MDFIC: variants seen among roughly 807,000 people sequenced by gnomAD.
MDFIC encodes the protein myoD family inhibitor domain-containing protein.
A neutral mutation model predicts 23.2 loss-of-function variants in MDFIC; 17 were observed. That is an observed-to-expected ratio of 0.73 (90% CI 0.50 to 1.10). The LOEUF is 1.10. Ranked by LOEUF, MDFIC falls within the 50% of genes least tolerant of loss-of-function variation. The probability of loss-of-function intolerance (pLI) is 0.00; values close to 1 mark genes in which losing one functional copy is unlikely to be tolerated. For missense variants in MDFIC, 356 were observed against 316.6 expected (o/e 1.12, Z -0.95); for synonymous variants, 120 against 115.2 (o/e 1.04, Z -0.27).
chr7:114,987,256 T>A (rs1248188756), intron 4 of MDFIC, among the ~76,000 whole-genome samples: 1 of 152,180 alleles, frequency 6.6e-6, no homozygotes, highest in East Asian at 1.9e-4. Context: ...TTGAGTTGTT[T>A]GCTGTTACAA....
At chr7:114,986,393 A>G (rs1264811264) in intron 4 of MDFIC, among the ~76,000 whole-genome samples, 3 of 152,136 alleles carry the variant, frequency 2.0e-5, no homozygotes, top group Non-Finnish European at 2.9e-5. Context: ...CAATCTGGGT[A>G]GGGCACACAG....
chr7:115,006,378 A>G (rs1292450050), intron 4 of MDFIC, among the ~76,000 whole-genome samples: 1 of 152,172 alleles, frequency 6.6e-6, no homozygotes, highest in Non-Finnish European at 1.5e-5. Flanking sequence ...AACCCTGTGC[A>G]TCTCTGCAGT....
chr7:114,966,432 C>T (rs1374983771), intron 3 of MDFIC, among the ~76,000 whole-genome samples: 1 of 148,484 alleles, frequency 6.7e-6, no homozygotes, highest in African/African-American at 2.5e-5. Context: ...GGAAAAAACA[C>T]CACCAAACTG....
intron 4 of MDFIC, among the ~76,000 whole-genome samples, chr7:114,980,547 C>T (rs1352986846): frequency 6.6e-6 from 1 of 152,204 alleles, no homozygotes; most frequent in Non-Finnish European, 1.5e-5. Flanking sequence ...ACTCCCTTTA[C>T]ATGATTCATT....
intron 2 of MDFIC, among the ~76,000 whole-genome samples, chr7:114,936,432 A>G (rs1792424457): frequency 1.3e-5 from 2 of 152,278 alleles, no homozygotes; most frequent in South Asian, 4.1e-4. Flanking sequence ...ATTGTAAATT[A>G]TTGGAAAAAT....
chr7:114,933,224 A>T (rs1051995357), intron 2 of MDFIC, among the ~76,000 whole-genome samples: 5 of 152,044 alleles, frequency 3.3e-5, no homozygotes, highest in Non-Finnish European at 5.9e-5. Flanking sequence ...TCATCATTTA[A>T]AAAGGGGAAG....
At chr7:115,012,557 A>G (rs531345647) in intron 4 of MDFIC, among the ~76,000 whole-genome samples, 46 of 152,290 alleles carry the variant, frequency 3.0e-4, no homozygotes, top group South Asian at 6.2e-4. Context: ...CTGTGACCCA[A>G]CCATCCTACT....
At chr7:115,006,536 C>T (rs976562010) in intron 4 of MDFIC, among the ~76,000 whole-genome samples, 1 of 152,128 alleles carries the variant, frequency 6.6e-6, no homozygotes, top group African/African-American at 2.4e-5. Context: ...GATTTATTTT[C>T]ATTTGTTACT....
At chr7:114,988,572 A>C (rs1214334160) in intron 4 of MDFIC, among the ~76,000 whole-genome samples, 1 of 152,174 alleles carries the variant, frequency 6.6e-6, no homozygotes, top group African/African-American at 2.4e-5. Flanking sequence ...ATCTGGGTAG[A>C]TTTGGAAGAG....
intron 3 of MDFIC, among the ~76,000 whole-genome samples, chr7:114,950,758 C>G (rs895507488): frequency 2.0e-5 from 3 of 152,042 alleles, no homozygotes; most frequent in African/African-American, 7.2e-5. Flanking sequence ...TAAAAATTGC[C>G]ATATATAACA....
chr7:114,978,003 T>A (rs1195480626), intron 3 of MDFIC, among the ~76,000 whole-genome samples: 1 of 148,204 alleles, frequency 6.7e-6, no homozygotes, highest in Non-Finnish European at 1.5e-5. Context: ...TTAATATTTA[T>A]ATTAATATTA....
chr7:114,936,334 G>GA (rs1352204481), intron 2 of MDFIC, among the ~76,000 whole-genome samples: 1 of 152,142 alleles, frequency 6.6e-6, no homozygotes, highest in Non-Finnish European at 1.5e-5. Flanking sequence ...GGCATGTACA[G>GA]AAATTTGAAG....
intron 3 of MDFIC, among the ~76,000 whole-genome samples, chr7:114,972,297 A>C (rs909698738): frequency 6.6e-6 from 1 of 152,180 alleles, no homozygotes; most frequent in Non-Finnish European, 1.5e-5. Context: ...TAGCAGTTAC[A>C]CATACATTAC....
chr7:114,991,916 A>G (rs1294205404), intron 4 of MDFIC, among the ~76,000 whole-genome samples: 1 of 152,240 alleles, frequency 6.6e-6, no homozygotes, highest in East Asian at 1.9e-4. Context: ...TGGGGATGGC[A>G]TTGAATCTAT....
chr7:114,984,226 T>G (rs1334367233), intron 4 of MDFIC, among the ~76,000 whole-genome samples: 2 of 152,234 alleles, frequency 1.3e-5, no homozygotes, highest in African/African-American at 4.8e-5. Flanking sequence ...CTTAAAGCCC[T>G]TCTTACCACA....
intron 2 of MDFIC, among the ~76,000 whole-genome samples, chr7:114,929,097 A>G (rs557607499): frequency 6.6e-6 from 1 of 151,974 alleles, no homozygotes; most frequent in African/African-American, 2.4e-5. Flanking sequence ...CTATCTATCT[A>G]TCTATCATCT....
intron 3 of MDFIC, among the ~76,000 whole-genome samples, chr7:114,950,985 G>A (rs545513638): frequency 3.0e-4 from 45 of 152,100 alleles, no homozygotes; most frequent in Non-Finnish European, 8.8e-5. Flanking sequence ...AAAAGCCAGG[G>A]CAATATAGTG....
chr7:115,001,275 G>A (rs1401879577), intron 4 of MDFIC, among the ~76,000 whole-genome samples: 1 of 152,080 alleles, frequency 6.6e-6, no homozygotes, highest in Non-Finnish European at 1.5e-5. Flanking sequence ...AGAGCAAAAT[G>A]GATTAATATA....
rs1177296069 is a variant in MDFIC, at chr7:114,990,350, C to CT, written c.493+10581dup. ...AAGATCCTGTTAGCACTGTGTTATTCTTTTTTTTTTTTCTTTATACTTTAA... is the reference window on the plus strand; with the variant it reads ...AAGATCCTGTTAGCACTGTGTTATTCTTTTTTTTTTTTTCTTTATACTTTAA... On this transcript the variant is annotated intron_variant, in intron 4 of 4. Coordinates refer to ENST00000393486, the MANE Select transcript of MDFIC (RefSeq NM_001166345.3). Among the ~76,000 whole-genome samples the CT allele has an allele frequency of 3.3e-3, 485 of 145,468 alleles. 2 individuals are homozygous for CT. The highest frequency in any genetic ancestry group is 3.9e-3 in the Admixed American group (57 of 14,542).
Sources: gnomAD v4.1 joint callset for allele counts (sites outside exome capture counted in the v4.1 genomes callset) on GRCh38, gnomAD v4.1.1 for gene constraint, MANE v1.5 for transcripts, NCBI Gene and HGNC (gene_info 2026-07-23, HGNC 2026-07-21) for gene names.